SPRY3: variants seen among roughly 807,000 people sequenced by gnomAD.
SPRY3 encodes the protein protein sprouty homolog 3.
SPRY3 carries 15 observed loss-of-function variants against 20.2 expected under a neutral mutation model. The observed-to-expected ratio is 0.74, with a 90% CI of 0.50 to 1.14. The LOEUF is 1.14. Among genes scored for constraint, SPRY3 ranks in the 50% most tolerant of loss-of-function variants. The pLI is 0.00. For synonymous variants in SPRY3, 143 were observed against 136.5 expected, an observed-to-expected ratio of 1.05 and a Z score of -0.33; for missense variants, 364 against 363.9, an observed-to-expected ratio of 1.00 and a Z score of 0.00.
chrX:155,716,840 T>C (rs2091026298), intron 2 of SPRY3, among the ~76,000 whole-genome samples: 1 of 151,412 alleles, frequency 6.6e-6, no homozygotes. Context: ...TGTACGTTTT[T>C]AAGATATCAT....
chrX:155,686,008 T>G (rs2068086677), intron 2 of SPRY3, among the ~76,000 whole-genome samples: 1 of 111,567 alleles, frequency 9.0e-6, no homozygotes, highest in Admixed American at 9.5e-5. Context: ...TCTCATGACC[T>G]CATGACCCGC....
chrX:155,667,254 C>G (rs2068027360), intron 2 of SPRY3, among the ~76,000 whole-genome samples: 1 of 110,455 alleles, frequency 9.1e-6, no homozygotes, highest in South Asian at 3.8e-4. Context: ...GATGAGAAGT[C>G]AAGGGGGCAT....
At chrX:155,641,990 C>A (rs2124537641) in intron 1 of SPRY3, among the ~76,000 whole-genome samples, 1 of 113,359 alleles carries the variant, frequency 8.8e-6, no homozygotes, top group African/African-American at 3.2e-5. Flanking sequence ...CAATATTATT[C>A]ATCCAGGACC....
chrX:155,708,520 C>A (rs1435418939), intron 2 of SPRY3, among the ~76,000 whole-genome samples: 1 of 151,310 alleles, frequency 6.6e-6, no homozygotes, highest in Non-Finnish European at 1.5e-5. Flanking sequence ...ATGGCATTTG[C>A]TGAGCTTCTT....
At chrX:155,723,695 A>T (rs1012868869) in intron 2 of SPRY3, among the ~76,000 whole-genome samples, 1 of 152,076 alleles carries the variant, frequency 6.6e-6, no homozygotes, top group South Asian at 2.1e-4. Flanking sequence ...CCTTTGTCAG[A>T]TGGGTAGATG....
intron 2 of SPRY3, among the ~76,000 whole-genome samples, chrX:155,692,687 A>T (rs1380560742): frequency 2.7e-5 from 3 of 111,317 alleles, no homozygotes; most frequent in African/African-American, 9.8e-5. Flanking sequence ...GGGATTTCTT[A>T]GATGTTTAGT....
At chrX:155,614,134 A>G (rs1557348642) in intron 1 of SPRY3, among the ~76,000 whole-genome samples, 4 of 112,324 alleles carry the variant, frequency 3.6e-5, no homozygotes, top group Non-Finnish European at 7.5e-5. Flanking sequence ...TGCAATAAAC[A>G]TTAATGAGTG....
intron 2 of SPRY3, chrX:155,767,741 AG>A (rs1434989620): frequency 2.5e-5 from 3 of 121,764 alleles, no homozygotes; most frequent in Non-Finnish European, 3.4e-5. Flanking sequence ...GAGGAGAGAG[AG>A]GAGGAGGAGG....
At chrX:155,743,749 A>G (rs1205403529) in intron 2 of SPRY3, among the ~76,000 whole-genome samples, 1 of 152,124 alleles carries the variant, frequency 6.6e-6, no homozygotes, top group Non-Finnish European at 1.5e-5. Context: ...TCCTCCTGGA[A>G]CATAAAACAA....
At chrX:155,775,386 A>G (rs943317306) in exon 4 of SPRY3, 1 of 166,906 alleles carries the variant, frequency 6.0e-6, no homozygotes, top group African/African-American at 2.4e-5. Flanking sequence ...CATTTGATCT[A>G]TATTTGTCTC....
chrX:155,779,872 G>A (rs936341957), downstream of SPRY3: 6 of 166,948 alleles, frequency 3.6e-5, no homozygotes, highest in Admixed American at 3.9e-4. Context: ...AAAAGCATTA[G>A]TGCCCCATTT....
intron 2 of SPRY3, among the ~76,000 whole-genome samples, chrX:155,717,580 C>T (rs1192301742): frequency 3.9e-5 from 6 of 151,922 alleles, no homozygotes; most frequent in Admixed American, 1.3e-4. Context: ...TGACAGGCCC[C>T]GGTGTGTGAT....
chrX:155,775,927 C>T (rs2091422474), exon 4 of SPRY3: 1 of 167,012 alleles, frequency 6.0e-6, no homozygotes, highest in Non-Finnish European at 1.5e-5. Context: ...AGTTCAATGC[C>T]CTTATTTTAC....
chrX:155,753,097 G>C (rs2091270408), intron 2 of SPRY3, among the ~76,000 whole-genome samples: 1 of 151,806 alleles, frequency 6.6e-6, no homozygotes, highest in South Asian at 2.1e-4. Context: ...CAGCTTTATT[G>C]AAACATAATT....
At chrX:155,759,837 T>G (rs1350642445) in intron 2 of SPRY3, among the ~76,000 whole-genome samples, 1 of 148,456 alleles carries the variant, frequency 6.7e-6, no homozygotes, top group Non-Finnish European at 1.5e-5. Context: ...CACAGAGAAG[T>G]AAGTAAGCCA....
intron 2 of SPRY3, among the ~76,000 whole-genome samples, chrX:155,725,426 C>T (rs1025788648): frequency 2.0e-5 from 3 of 152,154 alleles, no homozygotes; most frequent in East Asian, 1.9e-4. Context: ...TGGTAGAATT[C>T]GGCTGTGAAT....
At chrX:155,681,728 C>G (rs945994389) in intron 2 of SPRY3, among the ~76,000 whole-genome samples, 5 of 112,376 alleles carry the variant, frequency 4.4e-5, no homozygotes, top group African/African-American at 1.6e-4. Context: ...AAGATCAAAC[C>G]AACCACAGAA....
intron 2 of SPRY3, among the ~76,000 whole-genome samples, chrX:155,727,486 G>A (rs2091106205): frequency 6.6e-6 from 1 of 152,050 alleles, no homozygotes; most frequent in Non-Finnish European, 1.5e-5. Flanking sequence ...ATGTTTCTTG[G>A]AGGCTTTGTT....
At chrX:155,639,652 T>C (rs1047348653) in intron 1 of SPRY3, among the ~76,000 whole-genome samples, 11 of 112,606 alleles carry the variant, frequency 9.8e-5, no homozygotes, top group Non-Finnish European at 1.9e-5. Flanking sequence ...TTGGCTATTA[T>C]GAATACTGCT....
Sources: gnomAD v4.1 joint callset for allele counts (sites outside exome capture counted in the v4.1 genomes callset) on GRCh38, gnomAD v4.1.1 for gene constraint, MANE v1.5 for transcripts, NCBI Gene and HGNC (gene_info 2026-07-23, HGNC 2026-07-21) for gene names.